The following CDH9 variants were observed in gnomAD, a reference collection of about 807,000 sequenced individuals.
CDH9 encodes cadherin-9.
CDH9 carries 28 observed loss-of-function variants against 70.9 expected under a neutral mutation model. That is an observed-to-expected ratio of 0.40 (90% CI 0.29 to 0.54). The LOEUF (loss-of-function observed/expected upper bound fraction) is 0.54, where lower values mean the gene tolerates loss of function less well. Ranked by LOEUF, CDH9 falls within the 20% of genes least tolerant of loss-of-function variation. CDH9 has a pLI of 0.59. For missense variants in CDH9, 874 were observed against 984.4 expected (o/e 0.89, Z 1.50); for synonymous variants, 409 against 343.1 (o/e 1.19, Z -2.12).
intron 1 of CDH9, among the ~76,000 whole-genome samples, chr5:26,989,877 C>A (rs974100023): frequency 6.6e-6 from 1 of 152,084 alleles, no homozygotes; most frequent in African/African-American, 2.4e-5. Context: ...ACCTGACCCA[C>A]AAGGTATTGT....
chr5:26,977,499 A>T (rs1282032864), intron 2 of CDH9, among the ~76,000 whole-genome samples: 1 of 150,374 alleles, frequency 6.7e-6, no homozygotes, highest in African/African-American at 2.5e-5. Flanking sequence ...ATATATATAT[A>T]TATATATATG....
intron 1 of CDH9, among the ~76,000 whole-genome samples, chr5:26,996,818 T>G (rs1364427734): frequency 6.6e-6 from 1 of 151,790 alleles, no homozygotes; most frequent in Non-Finnish European, 1.5e-5. Context: ...CATTTACTGA[T>G]TTTTTAAGAA....
chr5:27,022,508 T>G (rs1204242757), intron 1 of CDH9, among the ~76,000 whole-genome samples: 1 of 152,082 alleles, frequency 6.6e-6, no homozygotes, highest in Non-Finnish European at 1.5e-5. Context: ...ACGAGTTCAG[T>G]CAAATGAGTT....
At chr5:26,958,807 A>T (rs995050764) in intron 2 of CDH9, among the ~76,000 whole-genome samples, 5 of 152,324 alleles carry the variant, frequency 3.3e-5, no homozygotes, top group South Asian at 2.1e-4. Flanking sequence ...AATATTAATA[A>T]GAATGACTGG....
intron 11 of CDH9, among the ~76,000 whole-genome samples, chr5:26,881,961 C>T (rs1435317815): frequency 6.6e-6 from 1 of 152,090 alleles, no homozygotes; most frequent in Non-Finnish European, 1.5e-5. Flanking sequence ...TACAAAAACA[C>T]TAAAGCTCTA....
At chr5:26,968,804 A>G in intron 2 of CDH9, among the ~76,000 whole-genome samples, 1 of 151,970 alleles carries the variant, frequency 6.6e-6, no homozygotes, top group Admixed American at 6.6e-5. Context: ...CAAAATGGAT[A>G]GAAGTATTAG....
intron 2 of CDH9, among the ~76,000 whole-genome samples, chr5:26,945,887 G>T (rs1741744471): frequency 6.6e-6 from 1 of 152,126 alleles, no homozygotes; most frequent in Admixed American, 6.5e-5. Context: ...TTCCGTCACT[G>T]GGGGAACAGG....
At chr5:26,938,428 A>G (rs1741598873) in intron 2 of CDH9, among the ~76,000 whole-genome samples, 1 of 152,006 alleles carries the variant, frequency 6.6e-6, no homozygotes, top group East Asian at 1.9e-4. Context: ...ATGCTTTAGT[A>G]AAATGTAGGT....
intron 11 of CDH9, 26 bp downstream of exon 11, chr5:26,885,588 G>A (rs1218951348): frequency 6.2e-7 from 1 of 1,603,396 alleles, no homozygotes; most frequent in African/African-American, 1.3e-5. Context: ...GTGAGTTAAA[G>A]GATCATTCAG....
rs201154706 is a variant in CDH9 at position 26,987,091 on chromosome 5, C to CTT, written c.228+1013_228+1014dup. On this transcript the variant is annotated intron_variant, in intron 2 of 11. Coordinates refer to ENST00000231021, the MANE Select transcript of CDH9 (RefSeq NM_016279.4). ...ATTTGTGATATTAGGCACTTGTATT[C>CTT]TTTTTTTTTTTTTTTTTTTTTTCAT... 2.7e-3 allele frequency among the ~76,000 whole-genome samples: 295 copies of CTT among 108,222 alleles called. 2 individuals are homozygous for CTT. Among genetic ancestry groups the CTT allele is most frequent in the African/African-American group, 7.0e-3 (208 of 29,504 alleles). The allele number at this position is 108,222 out of a possible 152,430, so 71.0% of individuals were successfully genotyped here.
chr5:26,935,697 G>A (rs1741546329), intron 2 of CDH9, among the ~76,000 whole-genome samples: 1 of 152,138 alleles, frequency 6.6e-6, no homozygotes, highest in Non-Finnish European at 1.5e-5. Flanking sequence ...ACAGTATGAA[G>A]ATCCCTTAAA....
At chr5:27,026,020 G>GTGTATTAAAATTAAAAAAGTA (rs1743214774) in intron 1 of CDH9, among the ~76,000 whole-genome samples, 1 of 151,902 alleles carries the variant, frequency 6.6e-6, no homozygotes, top group Admixed American at 6.6e-5. Flanking sequence ...GACACTCACA[G>GTGTATTAAAATTAAAAAAGTA]TTAAAATTTT....
At chr5:26,922,346 T>TA (rs538815075) in intron 2 of CDH9, among the ~76,000 whole-genome samples, 2 of 149,852 alleles carry the variant, frequency 1.3e-5, no homozygotes, top group Non-Finnish European at 3.0e-5. Flanking sequence ...CAAGAGAAAA[T>TA]AAAAAAACAA....
At position 26,915,705 on chromosome 5, in the gene CDH9, G is replaced by T; in HGVS notation, c.448C>A (p.His150Asn). Reference sequence around the variant, plus strand: ...TTTGGCTCATTGTCATTGATATCATGTATTTTAATGATAAATTCCGATTCC... The same window carrying T: ...TTTGGCTCATTGTCATTGATATCATTTATTTTAATGATAAATTCCGATTCC... The part of the protein sequence containing the change: ...EPESEFIIKI[H>N]DINDNEPKFT... Residue 150 changes from histidine (H) to asparagine (N), a missense_variant, in exon 3 of 12, where the codon CAT (histidine) becomes AAT (asparagine). Physicochemically the swap from His to Asn is moderately conservative, Grantham distance 68. Transcript: ENST00000231021. 1 of 1,609,200 alleles carries T rather than the reference G, an allele frequency of 6.2e-7. No individual in the cohort carries two copies. The highest frequency in any genetic ancestry group is 8.5e-7 in the Non-Finnish European group (1 of 1,175,570).
intron 6 of CDH9, 123 bp from the exon 7 acceptor site, chr5:26,902,852 T>C: frequency 1.6e-6 from 1 of 611,268 alleles, no homozygotes; most frequent in South Asian, 2.1e-5. Context: ...ATGACAATGA[T>C]TGCTTCATAG....
chr5:26,883,091 A>ATATATATG (rs1740499944), intron 11 of CDH9, among the ~76,000 whole-genome samples: 1 of 126,640 alleles, frequency 7.9e-6, no homozygotes, highest in Non-Finnish European at 1.7e-5. Context: ...ATATATATAT[A>ATATATATG]TATAAAACTG....
At chr5:26,900,916 T>G (rs1048352943) in intron 7 of CDH9, among the ~76,000 whole-genome samples, 3 of 152,028 alleles carry the variant, frequency 2.0e-5, no homozygotes, top group Non-Finnish European at 4.4e-5. Context: ...TTATTTCCAT[T>G]TCAGTACTGC....
At chr5:26,905,456 C>T (rs1561189981) in intron 5 of CDH9, among the ~76,000 whole-genome samples, 1 of 152,100 alleles carries the variant, frequency 6.6e-6, no homozygotes, top group Non-Finnish European at 1.5e-5. Context: ...CCCATCTGCA[C>T]TGATATCTTT....
At chr5:26,882,060 T>C (rs1740477330) in intron 11 of CDH9, among the ~76,000 whole-genome samples, 1 of 152,122 alleles carries the variant, frequency 6.6e-6, no homozygotes, top group Non-Finnish European at 1.5e-5. Flanking sequence ...ATTACTCATA[T>C]ATAGATACAT....
Sources: allele counts gnomAD v4.1 joint callset (sites outside exome capture counted in the v4.1 genomes callset), GRCh38; gene constraint gnomAD v4.1.1; transcripts MANE v1.5; gene names NCBI Gene and HGNC (gene_info 2026-07-23, HGNC 2026-07-21).